Variants in USH2A observed in about 807,000 individuals in gnomAD.
The protein encoded by USH2A is usherin.
USH2A carries 443 observed loss-of-function variants against 538.9 expected under a neutral mutation model. The ratio of observed to expected loss-of-function variants is 0.82; its 90% CI spans 0.76 to 0.89. The LOEUF is 0.89. Among genes scored for constraint, USH2A ranks in the 40% least tolerant of loss-of-function variants. USH2A has a pLI of 0.00. For missense variants in USH2A, 6,633 were observed against 6,324.8 expected, an observed-to-expected ratio of 1.05 and a Z score of -1.65; for synonymous variants, 2,413 against 2,273.5, an observed-to-expected ratio of 1.06 and a Z score of -1.75.
intron 4 of USH2A, among the ~76,000 whole-genome samples, chr1:216,346,449 G>C (rs2038177467): frequency 6.6e-6 from 1 of 152,048 alleles, no homozygotes; most frequent in Non-Finnish European, 1.5e-5. Context: ...ACTTTTGGGG[G>C]TATCAGAAAT....
At chr1:215,672,770 G>A (rs2102663181) in intron 63 of USH2A, among the ~76,000 whole-genome samples, 1 of 152,296 alleles carries the variant, frequency 6.6e-6, no homozygotes, top group Middle Eastern at 3.4e-3. Context: ...TCATATAGAA[G>A]TGATACTCTG....
At chr1:215,788,690 A>T (rs1425726400) in intron 51 of USH2A, among the ~76,000 whole-genome samples, 2 of 152,188 alleles carry the variant, frequency 1.3e-5, no homozygotes, top group African/African-American at 4.8e-5. Flanking sequence ...GGTTACCAAC[A>T]GAGAGATAGG....
At chr1:216,274,116 C>A (rs2036625338) in intron 11 of USH2A, among the ~76,000 whole-genome samples, 1 of 152,002 alleles carries the variant, frequency 6.6e-6, no homozygotes, top group South Asian at 2.1e-4. Flanking sequence ...CCTACTCTGC[C>A]ACTGCACCAA....
At chr1:216,102,325 A>G (rs2032602087) in intron 21 of USH2A, among the ~76,000 whole-genome samples, 1 of 150,826 alleles carries the variant, frequency 6.6e-6, no homozygotes, top group Non-Finnish European at 1.5e-5. Flanking sequence ...CAACTACTGT[A>G]TATGTGTGTA....
At chr1:216,026,657 C>T (rs143985639) in intron 32 of USH2A, among the ~76,000 whole-genome samples, 8 of 152,292 alleles carry the variant, frequency 5.3e-5, no homozygotes, top group East Asian at 3.9e-4. Context: ...CTACTATACA[C>T]ATATGCTGAT....
chr1:215,934,196 A>G (rs945421897), intron 38 of USH2A, among the ~76,000 whole-genome samples: 1 of 152,004 alleles, frequency 6.6e-6, no homozygotes, highest in Non-Finnish European at 1.5e-5. Context: ...TAAGTATACA[A>G]TTGAACTAGT....
rs2102748110 is a variant in USH2A at position 215,766,718 on chromosome 1, C to T, written c.11010G>A (p.Glu3670=). ...ACTSAGCTSS[E]PFLGQTLQAA... is the part of the protein sequence containing the mutation. ...CCTGCAGTGTCTGACCTAGAAAAGG[C>T]TCGCTTGAAGTGCACCCAGCAGATG... The change falls in exon 56 of 72, where the codon GAG becomes GAA. Residue 3670 remains glutamate, a synonymous_variant. Transcript: ENST00000307340. 8.1e-6 allele frequency: 13 copies of T among 1,613,694 alleles called. No homozygotes were observed. Among genetic ancestry groups the T allele is most frequent in the Non-Finnish European group, 1.1e-5 (13 of 1,179,674 alleles).
chr1:216,226,194 T>C (rs1467409531), intron 14 of USH2A, among the ~76,000 whole-genome samples: 1 of 152,162 alleles, frequency 6.6e-6, no homozygotes. Context: ...CCTTTAAACA[T>C]ATAATATGGA....
At chr1:215,713,532 G>C (rs1659399517) in intron 61 of USH2A, among the ~76,000 whole-genome samples, 1 of 152,166 alleles carries the variant, frequency 6.6e-6, no homozygotes, top group African/African-American at 2.4e-5. Flanking sequence ...TCCTGAAGCA[G>C]AGACTTGCCA....
At chr1:215,758,529 C>A in intron 58 of USH2A, 66 bp downstream of exon 58, 1 of 1,551,016 alleles carries the variant, frequency 6.4e-7, no homozygotes, top group Middle Eastern at 2.3e-4. Context: ...CAGTTCTATT[C>A]TTATCTCTAA....
intron 37 of USH2A, among the ~76,000 whole-genome samples, chr1:215,945,964 CA>C (rs1376386609): frequency 6.6e-6 from 1 of 152,134 alleles, no homozygotes; most frequent in Non-Finnish European, 1.5e-5. Context: ...CTTTCAATCA[CA>C]GGGTGAAAAA....
intron 60 of USH2A, among the ~76,000 whole-genome samples, chr1:215,740,992 G>A (rs140135364): frequency 1.7e-4 from 26 of 152,292 alleles, no homozygotes; most frequent in African/African-American, 3.4e-4. Context: ...CTCACCTGCT[G>A]TGTGGCCCGG....
At chr1:216,176,044 C>G (rs1190648983) in intron 20 of USH2A, among the ~76,000 whole-genome samples, 1 of 152,178 alleles carries the variant, frequency 6.6e-6, no homozygotes, top group Non-Finnish European at 1.5e-5. Context: ...TTTACACAGG[C>G]AAAGCATAAT....
At chr1:215,943,242 T>C (rs4481824) in intron 37 of USH2A, among the ~76,000 whole-genome samples, 4,893 of 152,162 alleles carry the variant, frequency 0.032, 124 homozygotes, top group South Asian at 0.084. Flanking sequence ...AATAACCATG[T>C]AGTTTGGGAA....
intron 15 of USH2A, among the ~76,000 whole-genome samples, chr1:216,210,033 C>G (rs2035204641): frequency 2.0e-5 from 3 of 152,112 alleles, no homozygotes; most frequent in African/African-American, 7.2e-5. Flanking sequence ...GGTCATGAGA[C>G]CCTCATTTTA....
At chr1:216,195,717 T>C (rs889615236) in intron 19 of USH2A, 2 of 164,088 alleles carry the variant, frequency 1.2e-5, no homozygotes, top group African/African-American at 4.8e-5. Context: ...AGTGTAAAGA[T>C]CTTTTTATCT....
At chr1:216,416,203 A>G (rs1039518447) in intron 3 of USH2A, among the ~76,000 whole-genome samples, 2 of 152,144 alleles carry the variant, frequency 1.3e-5, no homozygotes, top group Non-Finnish European at 2.9e-5. Flanking sequence ...TATAAATTTC[A>G]TAATACCTTA....
intron 31 of USH2A, among the ~76,000 whole-genome samples, chr1:216,047,872 A>G (rs531712347): frequency 1.8e-4 from 28 of 152,212 alleles, no homozygotes; most frequent in South Asian, 1.2e-3. Context: ...TCTTGAAGTG[A>G]TGCATTCTGA....
chr1:216,056,843 T>TTATACA (rs1208218089), intron 30 of USH2A, among the ~76,000 whole-genome samples: 1 of 152,148 alleles, frequency 6.6e-6, no homozygotes, highest in Non-Finnish European at 1.5e-5. Context: ...CCTTTGTTTA[T>TTATACA]TATACATATA....
Sources: gnomAD v4.1 joint callset for allele counts (sites outside exome capture counted in the v4.1 genomes callset) on GRCh38, gnomAD v4.1.1 for gene constraint, MANE v1.5 for transcripts, NCBI Gene and HGNC (gene_info 2026-07-23, HGNC 2026-07-21) for gene names.